The following ARCN1 variants were observed in gnomAD, a reference collection of about 807,000 sequenced individuals.
The protein encoded by ARCN1 is coatomer subunit delta.
ARCN1 carries 5 observed loss-of-function variants against 60.4 expected under a neutral mutation model. The ratio of observed to expected loss-of-function variants is 0.08; its 90% CI spans 0.04 to 0.17. ARCN1 has a LOEUF of 0.17. Among genes scored for constraint, ARCN1 ranks in the 10% least tolerant of loss-of-function variants. The probability of loss-of-function intolerance (pLI) is 1.00; values close to 1 mark genes in which losing one functional copy is unlikely to be tolerated. For synonymous variants in ARCN1, 224 were observed against 220.0 expected (o/e 1.02, Z -0.16); for missense variants, 464 against 626.5 (o/e 0.74, Z 2.77).
At chr11:118,578,757 C>T (rs1477856037) in intron 1 of ARCN1, among the ~76,000 whole-genome samples, 1 of 151,730 alleles carries the variant, frequency 6.6e-6, no homozygotes, top group Non-Finnish European at 1.5e-5. Flanking sequence ...AAATCCATTG[C>T]CTTGGCCGGA....
At chr11:118,572,653 C>T in intron 1 of ARCN1, 103 bp downstream of exon 1, 1 of 1,463,098 alleles carries the variant, frequency 6.8e-7, no homozygotes, top group Non-Finnish European at 9.3e-7. Context: ...CCCTGAGGGT[C>T]TAGGGCAGAG....
At position 118,597,800 on chromosome 11, in the gene ARCN1, T is replaced by A. The variant is rs1939061621; in HGVS notation, c.1335T>A (p.Ile445=). The A allele has an allele frequency of 6.2e-7, 1 of 1,614,100 alleles. No homozygotes were observed. Among genetic ancestry groups the A allele is most frequent in the Non-Finnish European group, 8.5e-7 (1 of 1,180,046 alleles). Reference sequence around the variant, plus strand: ...CCCTGGAGTGGTGCCTGCCTGTGATTGATGCCAAAAATAAGAGTGGCAGCC... The same window carrying A: ...CCCTGGAGTGGTGCCTGCCTGTGATAGATGCCAAAAATAAGAGTGGCAGCC... ...RNTLEWCLPV[I]DAKNKSGSLE... The change falls in exon 9 of 10, where the codon ATT becomes ATA. Residue 445 remains isoleucine, a synonymous_variant. Transcript: ENST00000264028.
intron 8 of ARCN1, among the ~76,000 whole-genome samples, chr11:118,595,477 C>T (rs781973684): frequency 6.6e-6 from 1 of 152,154 alleles, no homozygotes; most frequent in Non-Finnish European, 1.5e-5. Flanking sequence ...ACTTGTGAAA[C>T]CACCACCATA....
chr11:118,587,293 A>T (rs1555075631), intron 5 of ARCN1, among the ~76,000 whole-genome samples: 1 of 152,212 alleles, frequency 6.6e-6, no homozygotes, highest in Non-Finnish European at 1.5e-5. Flanking sequence ...TTTTGGAGAC[A>T]ACTAGTATTA....
rs1395413810 is a variant in ARCN1 at position 118,600,628 on chromosome 11, A to G, written c.1450A>G (p.Thr484Ala). 10 of 1,608,660 alleles carry G rather than the reference A, an allele frequency of 6.2e-6. No homozygotes were observed. Among genetic ancestry groups the G allele is most frequent in the Middle Eastern group, 1.7e-4 (1 of 6,026 alleles). The change falls in exon 10 of 10, where the codon ACC (threonine) becomes GCC (alanine). Residue 484 changes from threonine to alanine, a missense_variant. Thr to Ala is a moderately conservative substitution (Grantham distance 58). Coordinates refer to ENST00000264028, the MANE Select transcript of ARCN1 (RefSeq NM_001655.5). Reference protein sequence around the residue: ...SKKNYCNIQVTKVTQVDGNSP... With the variant: ...SKKNYCNIQVAKVTQVDGNSP... ...TACTCTTTGTTTATTTTCCTAGGTT[A>G]CCAAAGTGACCCAGGTAGATGGAAA...
intron 6 of ARCN1, among the ~76,000 whole-genome samples, chr11:118,591,729 CTTTTTTTTGTTT>C (rs1441870936): frequency 6.2e-5 from 9 of 144,432 alleles, no homozygotes; most frequent in Admixed American, 1.4e-4. Context: ...TTTTTTTGTT[CTTTTTTTTGTTT>C]TTTTTTTTGT....
In ARCN1 at chr11:118,602,685, T is replaced by G. The variant is rs1939173727; in HGVS notation, c.*1971T>G. ...TGAGAAGGGCTTGGGACAAGAAGTC[T>G]GTCATGTTAGTTAAGCAGGCAAGAA... On this transcript the variant is annotated 3_prime_UTR_variant, in exon 10 of 10. Coordinates refer to ENST00000264028, the MANE Select transcript of ARCN1 (RefSeq NM_001655.5). 1 of 153,798 alleles carries G rather than the reference T, an allele frequency of 6.5e-6. No individual in the cohort carries two copies. Among genetic ancestry groups the G allele is most frequent in the Admixed American group, 6.5e-5 (1 of 15,292 alleles). 9.5% of individuals were successfully genotyped at this position (153,798 alleles called of 1,614,324 possible).
chr11:118,584,576 G>A lies in ARCN1; in HGVS notation c.750G>A (p.Met250Ile), dbSNP rs781840503. The change falls in exon 5 of 10, where the codon ATG becomes ATA. Residue 250 changes from methionine (M) to isoleucine (I), a missense_variant. Around this residue, in one of 2 missense-constraint regions of ARCN1, gnomAD observed 359 missense variants for 440.2 expected, o/e 0.82. Coordinates refer to ENST00000264028, the MANE Select transcript of ARCN1 (RefSeq NM_001655.5). ...TAAAATCTGAAGGTGAAACCATCAT[G>A]TCCTCTAGTATGGGCAAGCGTACTT... ...DKLKSEGETI[M>I]SSSMGKRTSE... 1.2e-6 allele frequency: 2 copies of A among 1,613,920 alleles called. No individual in the cohort carries two copies. The highest frequency in any genetic ancestry group is 1.7e-6 in the Non-Finnish European group (2 of 1,179,942).
At chr11:118,572,581 G>C in intron 1 of ARCN1, 31 bp downstream of exon 1, 1 of 1,601,390 alleles carries the variant, frequency 6.2e-7, no homozygotes, top group Non-Finnish European at 8.5e-7. Flanking sequence ...CGAACTCCTG[G>C]GGTCCGAGCC....
intron 5 of ARCN1, among the ~76,000 whole-genome samples, chr11:118,587,353 A>T (rs1238879190): frequency 6.6e-6 from 1 of 152,198 alleles, no homozygotes; most frequent in Non-Finnish European, 1.5e-5. Flanking sequence ...TGATATACAG[A>T]TGAATAAAAA....
At chr11:118,580,080 T>G (rs1555074342) in intron 1 of ARCN1, among the ~76,000 whole-genome samples, 1 of 152,168 alleles carries the variant, frequency 6.6e-6, no homozygotes, top group East Asian at 1.9e-4. Context: ...CCCAGCACTT[T>G]GGGAGGCCAA....
In ARCN1 at chr11:118,600,729, A is replaced by T; in HGVS notation, c.*15A>T. 1 of 1,555,042 alleles carries T rather than the reference A, an allele frequency of 6.4e-7. No individual in the cohort carries two copies. The highest frequency in any genetic ancestry group is 1.2e-5 in the South Asian group (1 of 85,162). On this transcript the variant is annotated 3_prime_UTR_variant, in exon 10 of 10. Transcript: ENST00000264028. ...AAATTCTGTAATACCAAGAAGAGGGAGCTGAAAAGGAAAATTTTCAGATTA... is the reference window on the plus strand; with the variant it reads ...AAATTCTGTAATACCAAGAAGAGGGTGCTGAAAAGGAAAATTTTCAGATTA...
intron 1 of ARCN1, chr11:118,573,916 T>C (rs946472703): frequency 2.8e-5 from 13 of 459,278 alleles, no homozygotes; most frequent in African/African-American, 2.2e-4. Flanking sequence ...CAGTTCCCGT[T>C]TACACCCTGG....
In ARCN1 at chr11:118,595,006, C is replaced by T. The variant is rs192402111; in HGVS notation, c.1241+1308C>T. Among the ~76,000 whole-genome samples the T allele has an allele frequency of 9.5e-4, 144 of 151,284 alleles. 4 individuals carry two copies. The East Asian group carries it at 0.012, about 13-fold the overall frequency. ...CTGGGATTACAGGCGTGTGCCACCA[C>T]GCCCAGTTAATTTTTGTATTTTTAA... On this transcript the variant is annotated intron_variant, in intron 8 of 9. Transcript: ENST00000264028.
intron 1 of ARCN1, among the ~76,000 whole-genome samples, chr11:118,575,418 G>GTGTGTGTT (rs1938471336): frequency 6.6e-6 from 1 of 151,942 alleles, no homozygotes; most frequent in Non-Finnish European, 1.5e-5. Flanking sequence ...ACGGGTGTGT[G>GTGTGTGTT]TGTGTGTGTG....
Position 118,583,368 on chromosome 11 carries a change from A to C in ARCN1, c.447+10A>C. 1 of 1,600,220 alleles carries C rather than the reference A, an allele frequency of 6.2e-7. No individual in the cohort carries two copies. Among genetic ancestry groups the C allele is most frequent in the Non-Finnish European group, 8.5e-7 (1 of 1,174,132 alleles). ...CAGAGCCGTCAGAGAGGTAAATAGG[A>C]TCTTCTCTGGGACTACCTGTTTGTA... On this transcript the variant is annotated intron_variant, in intron 3 of 9. Transcript: ENST00000264028.
intron 5 of ARCN1, among the ~76,000 whole-genome samples, chr11:118,587,384 T>A (rs138164239): frequency 6.6e-6 from 1 of 152,334 alleles, no homozygotes; most frequent in African/African-American, 2.4e-5. Context: ...AGTGTGTCTA[T>A]TTTTCCCCCT....
intron 9 of ARCN1, 144 bp from the exon 10 acceptor site, chr11:118,600,481 T>G: frequency 1.8e-6 from 1 of 560,240 alleles, no homozygotes; most frequent in South Asian, 2.2e-5. Flanking sequence ...GACTTTCAGT[T>G]GTGAATTGAA....
chr11:118,583,617 C>T (rs782455164), intron 3 of ARCN1, among the ~76,000 whole-genome samples, 192 bp from the exon 4 acceptor site: 1 of 151,790 alleles, frequency 6.6e-6, no homozygotes, highest in East Asian at 1.9e-4. Flanking sequence ...ATTAGCCAGG[C>T]ATGGTAGCAC....
Sources: allele counts gnomAD v4.1 joint callset (sites outside exome capture counted in the v4.1 genomes callset), GRCh38; gene constraint gnomAD v4.1.1; regional missense constraint gnomAD v4.1.1; transcripts MANE v1.5; gene names NCBI Gene and HGNC (gene_info 2026-07-23, HGNC 2026-07-21).